DNAJC18: variants seen among roughly 807,000 people sequenced by gnomAD.
DNAJC18 encodes the protein DnaJ heat shock protein family (Hsp40) member C18.
In DNAJC18, 40 loss-of-function variants were observed where a neutral mutation model predicts 48.6. The observed-to-expected ratio is 0.82, with a 90% CI of 0.64 to 1.07. The LOEUF (loss-of-function observed/expected upper bound fraction) is 1.07, where lower values mean the gene tolerates loss of function less well. Ranked by LOEUF, DNAJC18 falls within the 50% of genes least tolerant of loss-of-function variation. DNAJC18 has a pLI of 0.00. For missense variants in DNAJC18, 340 were observed against 427.7 expected, an observed-to-expected ratio of 0.79 and a Z score of 1.81; for synonymous variants, 135 against 152.2, an observed-to-expected ratio of 0.89 and a Z score of 0.83.
At chr5:139,420,272 A>G (rs748014348) in intron 6 of DNAJC18, 47 bp from the exon 7 acceptor site, 4 of 1,560,026 alleles carry the variant, frequency 2.6e-6, no homozygotes, top group Admixed American at 2.1e-5. Flanking sequence ...ATATTTGGCA[A>G]TATTACTCTT....
intron 2 of DNAJC18, among the ~76,000 whole-genome samples, chr5:139,436,732 G>A (rs1166687851): frequency 6.6e-6 from 1 of 151,748 alleles, no homozygotes; most frequent in African/African-American, 2.4e-5. Context: ...AGGCTGTCTA[G>A]TTCCTTAAGG....
At position 139,414,125 on chromosome 5, in the gene DNAJC18, C is replaced by A. The variant is rs968262995; in HGVS notation, c.*23G>T. On this transcript the variant is annotated 3_prime_UTR_variant, in exon 8 of 8. Coordinates refer to ENST00000302060, the MANE Select transcript of DNAJC18 (RefSeq NM_152686.4). ...ATAGGAACAAGTAGCAAAACCCCAG[C>A]CCTGCGTAGGACCATTATCCTCTCA... is the stretch of plus-strand genomic sequence containing the variant. 2 of 1,603,476 alleles carry A rather than the reference C, an allele frequency of 1.2e-6. No individual in the cohort carries two copies. The highest frequency in any genetic ancestry group is 2.7e-5 in the African/African-American group (2 of 74,246).
At chr5:139,428,445 TG>T in intron 3 of DNAJC18, 92 bp downstream of exon 3, 1 of 1,505,310 alleles carries the variant, frequency 6.6e-7, no homozygotes, top group Non-Finnish European at 8.9e-7. Context: ...ACCCTCCTTA[TG>T]GCCTTATAAA....
At position 139,437,645 on chromosome 5, in the gene DNAJC18, G is replaced by C. The variant is rs185652910; in HGVS notation, c.41-87C>G. 1.1e-4 allele frequency: 165 copies of C among 1,468,288 alleles called. No homozygotes were observed. The highest frequency in any genetic ancestry group is 2.5e-4 in the Middle Eastern group (1 of 3,950). The allele number at this position is 1,468,288 out of a possible 1,614,324, so 91.0% of individuals were successfully genotyped here. On this transcript the variant is annotated intron_variant, in intron 1 of 7. Coordinates refer to ENST00000302060, the MANE Select transcript of DNAJC18 (RefSeq NM_152686.4). ...GCCTTTCCTCTCTGGGAGGCTGCTC[G>C]TAAGCATGAGAAGGTAAGCATGATG...
At chr5:139,436,680 A>G (rs936885050) in intron 2 of DNAJC18, among the ~76,000 whole-genome samples, 2 of 151,528 alleles carry the variant, frequency 1.3e-5, no homozygotes. Flanking sequence ...ATTTTTGTAT[A>G]TATATATTTT....
chr5:139,437,601 A>C, intron 1 of DNAJC18, 43 bp from the exon 2 acceptor site: 2 of 1,563,416 alleles, frequency 1.3e-6, no homozygotes, highest in East Asian at 4.6e-5. Flanking sequence ...TCTGACCCTG[A>C]AAATCAACTT....
chr5:139,414,919 T>G (rs1759051354), intron 7 of DNAJC18, among the ~76,000 whole-genome samples: 1 of 152,226 alleles, frequency 6.6e-6, no homozygotes. Context: ...GTGGAGAAGG[T>G]CATTCTATTT....
intron 7 of DNAJC18, among the ~76,000 whole-genome samples, chr5:139,419,782 C>T (rs1561998132): frequency 6.6e-6 from 1 of 152,108 alleles, no homozygotes; most frequent in South Asian, 2.1e-4. Flanking sequence ...GGCAGATTGG[C>T]AGAGAGAGGT....
chr5:139,437,285 T>C, intron 2 of DNAJC18, 87 bp downstream of exon 2: 1 of 1,432,574 alleles, frequency 7.0e-7, no homozygotes, highest in Non-Finnish European at 9.3e-7. Context: ...ATCATCATTA[T>C]CATCAGTCAA....
chr5:139,419,113 G>C, intron 7 of DNAJC18: 1 of 449,904 alleles, frequency 2.2e-6, no homozygotes, highest in Non-Finnish European at 4.4e-6. Flanking sequence ...TAAGGCTTTA[G>C]AAATGAGTCA....
In DNAJC18 at chr5:139,435,705, G is replaced by GTTT. The variant is rs377125785; in HGVS notation, c.227+1664_227+1666dup. 8.7e-3 allele frequency among the ~76,000 whole-genome samples: 358 copies of GTTT among 41,176 alleles called. 85 individuals carry two copies. The highest frequency in any genetic ancestry group is 0.032 in the African/African-American group (286 of 8,966). The allele number at this position is 41,176 out of a possible 152,430, so 27.0% of individuals were successfully genotyped here. ...GGGCCTGGACTTTTCTTCATTGGAA[G>GTTT]TTTTTTTTTTTTTTTTTTTTTTTTT... On this transcript the variant is annotated intron_variant, in intron 2 of 7. Coordinates refer to ENST00000302060, the MANE Select transcript of DNAJC18 (RefSeq NM_152686.4).
At chr5:139,417,061 G>A (rs1196741557) in intron 7 of DNAJC18, among the ~76,000 whole-genome samples, 1 of 152,044 alleles carries the variant, frequency 6.6e-6, no homozygotes, top group African/African-American at 2.4e-5. Flanking sequence ...ACGGTGGCAT[G>A]CACCTATAGT....
chr5:139,435,708 T>TTTTTTTTG (rs1750630877), intron 2 of DNAJC18, among the ~76,000 whole-genome samples: 1 of 64,752 alleles, frequency 1.5e-5, no homozygotes. Context: ...ATTGGAAGTT[T>TTTTTTTTG]TTTTTTTTTT....
chr5:139,438,297 T>C (rs1395941449), intron 1 of DNAJC18, among the ~76,000 whole-genome samples: 7 of 148,052 alleles, frequency 4.7e-5, no homozygotes, highest in East Asian at 3.9e-4. Flanking sequence ...GCCTGGGTGA[T>C]AGAGCGAGAC....
intron 2 of DNAJC18, among the ~76,000 whole-genome samples, chr5:139,433,219 G>T (rs1759356443): frequency 6.6e-6 from 1 of 152,232 alleles, no homozygotes; most frequent in South Asian, 2.1e-4. Context: ...TTAAGTGCAG[G>T]TGGATCACAA....
intron 7 of DNAJC18, among the ~76,000 whole-genome samples, chr5:139,419,837 G>A (rs921761200): frequency 3.3e-5 from 5 of 152,140 alleles, no homozygotes; most frequent in African/African-American, 7.2e-5. Flanking sequence ...GACTAGTGCC[G>A]CCTAAATTCC....
rs1759017749 is a variant in DNAJC18, at chr5:139,413,107, G to GC, written c.*1040dup. ...TTTAAGTAAGAAAATATGTGTGAGAGCCCCTGCTTTTATAGTAGGCACTCA... is the reference window on the plus strand; with the variant it reads ...TTTAAGTAAGAAAATATGTGTGAGAGCCCCCTGCTTTTATAGTAGGCACTCA... On this transcript the variant is annotated 3_prime_UTR_variant, in exon 8 of 8. Coordinates refer to ENST00000302060, the MANE Select transcript of DNAJC18 (RefSeq NM_152686.4). The GC allele has an allele frequency of 1.0e-5, 4 of 393,182 alleles. No homozygotes were observed. The highest frequency in any genetic ancestry group is 1.4e-4 in the South Asian group (1 of 6,964). The allele number at this position is 393,182 out of a possible 1,614,324, so 24.4% of individuals were successfully genotyped here. A position where few individuals can be genotyped will look rare whatever the true frequency, so the allele number is the denominator to read the frequency against.
chr5:139,422,232 C>T (rs1759165720), intron 6 of DNAJC18, among the ~76,000 whole-genome samples: 1 of 152,126 alleles, frequency 6.6e-6, no homozygotes, highest in Admixed American at 6.5e-5. Flanking sequence ...AAAATCCTAT[C>T]AGAGTTTATA....
rs202006277 is a variant in DNAJC18 at position 139,425,063 on chromosome 5, C to T, written c.611G>A (p.Arg204Gln). ...CTGTGTCCTCTCATGTCGGTGCCGT[C>T]GACGGTAATAGTAAGTGTCATCTGT... ...NVTDDTYYYR[R>Q]RHRHERTQTQ... Residue 204 changes from arginine (R) to glutamine (Q), a missense_variant, in exon 5 of 8, where the codon CGA (arginine) becomes CAA (glutamine). Coordinates refer to ENST00000302060, the MANE Select transcript of DNAJC18 (RefSeq NM_152686.4). 3 of 1,613,120 alleles carry T rather than the reference C, an allele frequency of 1.9e-6. No homozygotes were observed. The highest frequency in any genetic ancestry group is 1.3e-5 in the African/African-American group (1 of 74,846).
Sources: allele counts gnomAD v4.1 joint callset (sites outside exome capture counted in the v4.1 genomes callset), GRCh38; gene constraint gnomAD v4.1.1; transcripts MANE v1.5; gene names NCBI Gene and HGNC (gene_info 2026-07-23, HGNC 2026-07-21).